The following CFAP57 variants were observed in gnomAD, a reference collection of about 807,000 sequenced individuals.
CFAP57 encodes the protein cilia- and flagella-associated protein 57.
CFAP57 carries 116 observed loss-of-function variants against 146.8 expected under a neutral mutation model. That is an observed-to-expected ratio of 0.79 (90% CI 0.68 to 0.92). CFAP57 has a LOEUF of 0.92. Among genes scored for constraint, CFAP57 ranks in the 40% least tolerant of loss-of-function variants. The pLI is 0.00. For missense variants in CFAP57, 1,377 were observed against 1,527.2 expected, an observed-to-expected ratio of 0.90 and a Z score of 1.64; for synonymous variants, 518 against 552.8, an observed-to-expected ratio of 0.94 and a Z score of 0.88.
chr1:43,221,336 G>C, intron 13 of CFAP57, 36 bp from the exon 14 acceptor site: 1 of 1,465,122 alleles, frequency 6.8e-7, no homozygotes, highest in Non-Finnish European at 9.2e-7. Flanking sequence ...GCTTTCAGCA[G>C]ATGTGTGTAA....
At chr1:43,227,247 G>A in intron 18 of CFAP57, 121 bp downstream of exon 18, 2 of 1,221,034 alleles carry the variant, frequency 1.6e-6, no homozygotes, top group Non-Finnish European at 1.1e-6. Flanking sequence ...CTCCCAAGGT[G>A]TGTGCAGCCT....
chr1:43,206,058 C>G (rs920022744), intron 9 of CFAP57, among the ~76,000 whole-genome samples: 1 of 152,168 alleles, frequency 6.6e-6, no homozygotes, highest in East Asian at 1.9e-4. Flanking sequence ...ACTCATAGCT[C>G]ACTGCAGCCT....
At chr1:43,172,515 A>C (rs942144127) in intron 1 of CFAP57, 62 bp downstream of exon 1, 2 of 1,329,414 alleles carry the variant, frequency 1.5e-6, no homozygotes, top group African/African-American at 3.3e-5. Context: ...ACAAAGGAAA[A>C]GGCAGAAAAA....
intron 2 of CFAP57, among the ~76,000 whole-genome samples, chr1:43,179,496 T>C (rs1016533901): frequency 7.9e-5 from 12 of 152,162 alleles, no homozygotes; most frequent in African/African-American, 2.9e-4. Context: ...CTCAGTATTG[T>C]AGTGGAGGCA....
chr1:43,185,678 C>CAAAAAAAAAA (rs57421849), intron 5 of CFAP57, among the ~76,000 whole-genome samples: 8 of 65,666 alleles, frequency 1.2e-4, no homozygotes, highest in Admixed American at 1.6e-4. Context: ...CCCATCTCTA[C>CAAAAAAAAAA]AAAAAAAAAA....
intron 21 of CFAP57, among the ~76,000 whole-genome samples, chr1:43,237,508 C>G (rs1645750362): frequency 2.6e-5 from 4 of 152,158 alleles, no homozygotes; most frequent in Non-Finnish European, 4.4e-5. Context: ...AATTACTGCT[C>G]AACTCATTGT....
At chr1:43,230,966 G>A (rs1344914507) in intron 18 of CFAP57, among the ~76,000 whole-genome samples, 2 of 152,220 alleles carry the variant, frequency 1.3e-5, no homozygotes, top group African/African-American at 2.4e-5. Context: ...CACACTCAAT[G>A]TGTATCCCCT....
intron 11 of CFAP57, chr1:43,211,658 A>T (rs1322961549): frequency 6.6e-6 from 1 of 151,588 alleles, no homozygotes; most frequent in Admixed American, 6.6e-5. Flanking sequence ...TGTGTGTTTT[A>T]AATAAAATTA....
At chr1:43,208,349 A>T (rs1644444274) in intron 10 of CFAP57, among the ~76,000 whole-genome samples, 1 of 152,206 alleles carries the variant, frequency 6.6e-6, no homozygotes, top group South Asian at 2.1e-4. Context: ...ACACATGCAC[A>T]CGTATGTTTA....
At chr1:43,172,563 G>C in intron 1 of CFAP57, 110 bp downstream of exon 1, 1 of 769,796 alleles carries the variant, frequency 1.3e-6, no homozygotes, top group East Asian at 2.7e-5. Flanking sequence ...GGAGGACCCC[G>C]GGGGAGGGGA....
chr1:43,218,930 G>T (rs542957067), intron 12 of CFAP57, among the ~76,000 whole-genome samples: 2 of 152,286 alleles, frequency 1.3e-5, no homozygotes, highest in South Asian at 4.1e-4. Flanking sequence ...AAAGATTCTG[G>T]TCTATGTGGA....
At position 43,232,607 on chromosome 1, in the gene CFAP57, C is replaced by T. The variant is rs567571801; in HGVS notation, c.3109C>T (p.Arg1037Cys). The T allele has an allele frequency of 6.1e-5, 94 of 1,543,196 alleles. No individual in the cohort carries two copies. Among genetic ancestry groups the T allele is most frequent in the Middle Eastern group, 1.7e-4 (1 of 5,958 alleles). ...ACTGAGAGCCACCGATCAGGAGATG[C>T]GCAGAGAGAGACAGAAGGTGTGAGG... Reference protein sequence around the residue: ...QKLRATDQEMRRERQKERDLE... With the variant: ...QKLRATDQEMCRERQKERDLE... Residue 1037 changes from arginine to cysteine, a missense_variant, in exon 19 of 23, where the codon CGC becomes TGC. Coordinates refer to ENST00000372492, the MANE Select transcript of CFAP57 (RefSeq NM_001378189.1).
chr1:43,219,133 C>T (rs1152769), intron 12 of CFAP57, among the ~76,000 whole-genome samples: 132,445 of 152,144 alleles, frequency 0.87, 58,473 homozygotes, highest in East Asian at 1. Flanking sequence ...ATGCTTAAGC[C>T]GACTTGAATG....
chr1:43,243,639 AC>A lies in CFAP57; in HGVS notation c.3538+281del, dbSNP rs1646009776. On this transcript the variant is annotated intron_variant, in intron 22 of 22. Coordinates refer to ENST00000372492, the MANE Select transcript of CFAP57 (RefSeq NM_001378189.1). ...TTTTAGAAAGCGAATACTTTATATAACATTCCCAGAGGGGTCTGGGGCAGTG... is the reference window on the plus strand; with the variant it reads ...TTTTAGAAAGCGAATACTTTATATAAATTCCCAGAGGGGTCTGGGGCAGTG... Among the ~76,000 whole-genome samples the A allele has an allele frequency of 2.0e-5, 3 of 152,328 alleles. No individual in the cohort carries two copies. The South Asian group carries it at 6.2e-4, about 32-fold the overall frequency.
intron 2 of CFAP57, among the ~76,000 whole-genome samples, chr1:43,178,447 AAAC>A (rs1455538757): frequency 7.2e-5 from 11 of 152,192 alleles, no homozygotes; most frequent in Non-Finnish European, 1.6e-4. Context: ...TACAAGAAAA[AAAC>A]AACCCCATCA....
At chr1:43,182,130 C>T (rs974262941) in intron 3 of CFAP57, among the ~76,000 whole-genome samples, 39 of 152,204 alleles carry the variant, frequency 2.6e-4, no homozygotes, top group Non-Finnish European at 5.3e-4. Context: ...TGGCCCAGAA[C>T]TGCTTTCTGG....
At chr1:43,197,878 GT>G (rs1643931521) in intron 7 of CFAP57, among the ~76,000 whole-genome samples, 186 bp downstream of exon 7, 1 of 152,172 alleles carries the variant, frequency 6.6e-6, no homozygotes, top group African/African-American at 2.4e-5. Context: ...AAACTACTTT[GT>G]GGTTTATTTA....
At chr1:43,176,536 G>C (rs552308683) in intron 2 of CFAP57, among the ~76,000 whole-genome samples, 13 of 152,186 alleles carry the variant, frequency 8.5e-5, no homozygotes, top group East Asian at 7.7e-4. Flanking sequence ...TCAGAGTCAT[G>C]ATGAGGCTCA....
chr1:43,235,773 C>T (rs967903633), intron 21 of CFAP57, among the ~76,000 whole-genome samples: 3 of 152,178 alleles, frequency 2.0e-5, no homozygotes, highest in African/African-American at 2.4e-5. Flanking sequence ...GGAGAGCCCC[C>T]TGGGGCTCTG....
Sources: gnomAD v4.1 joint callset for allele counts (sites outside exome capture counted in the v4.1 genomes callset) on GRCh38, gnomAD v4.1.1 for gene constraint, MANE v1.5 for transcripts, NCBI Gene and HGNC (gene_info 2026-07-23, HGNC 2026-07-21) for gene names.